The following SCAI variants were observed in gnomAD, a reference collection of about 807,000 sequenced individuals.
SCAI encodes the protein protein SCAI.
SCAI carries 24 observed loss-of-function variants against 92.2 expected under a neutral mutation model. The ratio of observed to expected loss-of-function variants is 0.26; its 90% CI spans 0.19 to 0.37. The LOEUF (loss-of-function observed/expected upper bound fraction) is 0.37. SCAI is among the 10% of genes least tolerant of loss of function. The pLI is 1.00. For missense variants in SCAI, 450 were observed against 736.2 expected (o/e 0.61, Z 4.50); for synonymous variants, 261 against 258.6 (o/e 1.01, Z -0.09).
At chr9:124,989,938 GC>G (rs1832083940) in intron 14 of SCAI, among the ~76,000 whole-genome samples, 1 of 151,762 alleles carries the variant, frequency 6.6e-6, no homozygotes, top group African/African-American at 2.4e-5. Flanking sequence ...ACGTTGGGAG[GC>G]CAAGGTGGGT....
At chr9:125,099,593 T>C (rs1371505816) in intron 2 of SCAI, among the ~76,000 whole-genome samples, 2 of 152,156 alleles carry the variant, frequency 1.3e-5, no homozygotes, top group African/African-American at 4.8e-5. Context: ...GAAAAACAAA[T>C]ACAAACCTTA....
intron 2 of SCAI, among the ~76,000 whole-genome samples, chr9:125,127,321 A>C (rs1007874417): frequency 1.3e-5 from 2 of 152,028 alleles, no homozygotes; most frequent in African/African-American, 4.8e-5. Flanking sequence ...AACTCTAAGG[A>C]GGGGTGGATC....
At chr9:125,040,304 T>TA (rs1301651136) in intron 3 of SCAI, among the ~76,000 whole-genome samples, 1 of 152,180 alleles carries the variant, frequency 6.6e-6, no homozygotes, top group Non-Finnish European at 1.5e-5. Flanking sequence ...CTGCATGCAG[T>TA]AAGCCATAAT....
chr9:125,019,027 G>T (rs887756597), intron 8 of SCAI, 76 bp from the exon 9 acceptor site: 13 of 1,538,898 alleles, frequency 8.4e-6, no homozygotes, highest in South Asian at 3.5e-5. Context: ...CCTTCTTCTT[G>T]ACATATACAC....
At chr9:125,061,354 C>T (rs1239842854) in intron 2 of SCAI, among the ~76,000 whole-genome samples, 1 of 151,922 alleles carries the variant, frequency 6.6e-6, no homozygotes, top group East Asian at 1.9e-4. Context: ...TGCTCTTCAA[C>T]TAAACCTTCA....
At chr9:125,099,943 T>C (rs917033528) in intron 2 of SCAI, among the ~76,000 whole-genome samples, 6 of 152,268 alleles carry the variant, frequency 3.9e-5, no homozygotes, top group African/African-American at 9.6e-5. Context: ...TCTATATCAA[T>C]GGACATCCGG....
chr9:125,085,549 GC>G (rs1306013201), intron 2 of SCAI, among the ~76,000 whole-genome samples: 2 of 152,066 alleles, frequency 1.3e-5, no homozygotes, highest in African/African-American at 2.4e-5. Flanking sequence ...TTGACTGGGT[GC>G]AGTGGTTCAT....
At chr9:125,027,170 T>C (rs1233662418) in intron 5 of SCAI, among the ~76,000 whole-genome samples, 2 of 152,184 alleles carry the variant, frequency 1.3e-5, no homozygotes, top group Non-Finnish European at 1.5e-5. Context: ...ATCCTCATTC[T>C]TTGAAGGGAC....
chr9:124,988,052 ACAC>A (rs1019302310), intron 14 of SCAI, among the ~76,000 whole-genome samples: 1 of 152,044 alleles, frequency 6.6e-6, no homozygotes, highest in African/African-American at 2.4e-5. Flanking sequence ...ACACACACAC[ACAC>A]AACACCTACA....
At position 124,943,636 on chromosome 9, in the gene SCAI, A is replaced by C. The variant is rs956310380; in HGVS notation, c.*9171T>G. On this transcript the variant is annotated 3_prime_UTR_variant, in exon 18 of 18. Transcript: ENST00000336505. ...AGAAAATCGAGTAATTATATCCTCCAAATGAATTACTTCTATGATTTAAAC... is the reference window on the plus strand; with the variant it reads ...AGAAAATCGAGTAATTATATCCTCCCAATGAATTACTTCTATGATTTAAAC... The C allele has an allele frequency of 6.6e-6, 1 of 152,240 alleles. No individual in the cohort carries two copies. The highest frequency in any genetic ancestry group is 1.5e-5 in the Non-Finnish European group (1 of 68,028). The allele number at this position is 152,240 out of a possible 1,614,324, so 9.4% of individuals were successfully genotyped here. A position where few individuals can be genotyped will look rare whatever the true frequency, so the allele number is the denominator to read the frequency against.
intron 13 of SCAI, among the ~76,000 whole-genome samples, chr9:124,998,525 T>C (rs897223685): frequency 1.3e-5 from 2 of 152,126 alleles, no homozygotes; most frequent in African/African-American, 2.4e-5. Flanking sequence ...AGGGAAGAGA[T>C]TGTTAAAGAT....
At chr9:125,103,996 G>A (rs1564414452) in intron 2 of SCAI, among the ~76,000 whole-genome samples, 1 of 152,136 alleles carries the variant, frequency 6.6e-6, no homozygotes, top group Non-Finnish European at 1.5e-5. Flanking sequence ...AATTTAGACT[G>A]TGAGCCAAAG....
Position 125,098,472 on chromosome 9 carries a change from T to C in SCAI, c.99-42465A>G, listed in dbSNP as rs558824996. ...AGTGTAACCTTTATTTTCCACAAAA[T>C]GACTATACTGGTGCATAAAATGAAA... On this transcript the variant is annotated intron_variant, in intron 2 of 17. Transcript: ENST00000336505. 3.9e-4 allele frequency among the ~76,000 whole-genome samples: 59 copies of C among 152,258 alleles called. No individual in the cohort carries two copies. The South Asian group carries it at 0.012, about 30-fold the overall frequency.
At position 124,945,937 on chromosome 9, in the gene SCAI, T is replaced by C. The variant is rs893175607; in HGVS notation, c.*6870A>G. 26 of 152,106 alleles carry C rather than the reference T, an allele frequency of 1.7e-4. No individual in the cohort carries two copies. The highest frequency in any genetic ancestry group is 1.4e-3 in the Admixed American group (22 of 15,260). 9.4% of individuals were successfully genotyped at this position (152,106 alleles called of 1,614,324 possible). ...CAAAAATAGTTGTAAAGTATCAATG[T>C]ATAAGAGCGCAGGAGACTGGGGGAA... On this transcript the variant is annotated 3_prime_UTR_variant, in exon 18 of 18. Transcript: ENST00000336505.
chr9:125,108,006 A>T (rs1300237770), intron 2 of SCAI, among the ~76,000 whole-genome samples: 9 of 152,046 alleles, frequency 5.9e-5, no homozygotes, highest in African/African-American at 2.2e-4. Context: ...TGGTTTTCGT[A>T]TTTTTTTGGT....
chr9:125,131,407 CAAAAAAAAAAA>C lies in SCAI; in HGVS notation c.98+11215_98+11225del, dbSNP rs200932061. ...TGGGCAACAGAGCAAGACTCCGTCT[CAAAAAAAAAAA>C]AAAAAGAAAAATAAACATATATACA... is the stretch of plus-strand genomic sequence containing the variant. On this transcript the variant is annotated intron_variant, in intron 2 of 17. Coordinates refer to ENST00000336505, the MANE Select transcript of SCAI (RefSeq NM_001144877.3). Among the ~76,000 whole-genome samples, 3 of 63,328 alleles carry C rather than the reference CAAAAAAAAAAA, an allele frequency of 4.7e-5. No homozygotes were observed. In the East Asian group the frequency reaches 9.6e-4, roughly 20 times the overall value. The allele number at this position is 63,328 out of a possible 152,430, so 41.5% of individuals were successfully genotyped here. A position where few individuals can be genotyped will look rare whatever the true frequency, so the allele number is the denominator to read the frequency against.
chr9:125,095,766 G>A (rs940153831), intron 2 of SCAI, among the ~76,000 whole-genome samples: 26 of 152,176 alleles, frequency 1.7e-4, no homozygotes, highest in African/African-American at 5.8e-4. Context: ...CCACGTGGAT[G>A]TGGGCAATAA....
intron 17 of SCAI, among the ~76,000 whole-genome samples, chr9:124,965,227 C>CT (rs927089941): frequency 2.6e-4 from 39 of 151,804 alleles, no homozygotes; most frequent in African/African-American, 7.7e-4. Context: ...TAATATATGT[C>CT]TTTTTTTTGT....
At chr9:125,078,742 T>A (rs753883457) in intron 2 of SCAI, among the ~76,000 whole-genome samples, 8 of 151,948 alleles carry the variant, frequency 5.3e-5, no homozygotes, top group Non-Finnish European at 1.0e-4. Flanking sequence ...ATAGTGAGAC[T>A]CCTATAAAAA....
Sources: gnomAD v4.1 joint callset for allele counts (sites outside exome capture counted in the v4.1 genomes callset) on GRCh38, gnomAD v4.1.1 for gene constraint, MANE v1.5 for transcripts, NCBI Gene and HGNC (gene_info 2026-07-23, HGNC 2026-07-21) for gene names.